Variants in NKD1 observed in about 807,000 individuals in gnomAD.
NKD1 encodes NKD inhibitor of Wnt signaling pathway 1.
In NKD1, 21 loss-of-function variants were observed where a neutral mutation model predicts 56.0. The observed-to-expected ratio is 0.38, with a 90% CI of 0.27 to 0.54. NKD1 has a LOEUF of 0.54. Ranked by LOEUF, NKD1 falls within the 20% of genes least tolerant of loss-of-function variation. The pLI is 0.82. For missense variants in NKD1, 578 were observed against 642.7 expected (o/e 0.90, Z 1.09); for synonymous variants, 263 against 265.7 (o/e 0.99, Z 0.10).
At chr16:50,616,637 G>A (rs1460166797) in intron 4 of NKD1, among the ~76,000 whole-genome samples, 3 of 152,170 alleles carry the variant, frequency 2.0e-5, no homozygotes, top group Non-Finnish European at 2.9e-5. Flanking sequence ...CCTAGAAGGC[G>A]CCAGATCTCA....
chr16:50,629,290 A>G (rs538903240), intron 6 of NKD1, among the ~76,000 whole-genome samples: 41 of 152,228 alleles, frequency 2.7e-4, no homozygotes, highest in African/African-American at 8.7e-4. Flanking sequence ...CCCTGATCCT[A>G]TCATGGTCCC....
chr16:50,609,576 G>A (rs1339010101), intron 4 of NKD1, among the ~76,000 whole-genome samples: 3 of 152,236 alleles, frequency 2.0e-5, no homozygotes, highest in South Asian at 2.1e-4. Context: ...GGGGAGCATC[G>A]GCCAGACCTG....
Position 50,633,820 on chromosome 16 carries a change from C to A in NKD1, c.*39C>A. The A allele has an allele frequency of 9.8e-7, 1 of 1,019,764 alleles. No homozygotes were observed. The highest frequency in any genetic ancestry group is 1.6e-5 in the African/African-American group (1 of 61,244). 63.2% of individuals were successfully genotyped at this position (1,019,764 alleles called of 1,614,324 possible). ...GGCCCCACCCTGCCATATGAAGGAC[C>A]CCACCCCCGACACCACAAGGCATTA... is the stretch of plus-strand genomic sequence containing the variant. On this transcript the variant is annotated 3_prime_UTR_variant, in exon 10 of 10. Transcript: ENST00000268459. This position sits in a 1 kb window ranked among gnomAD's most constrained non-coding sequence, Gnocchi z 4.9.
intron 3 of NKD1, among the ~76,000 whole-genome samples, chr16:50,570,233 G>T (rs1293354984): frequency 6.6e-6 from 1 of 151,982 alleles, no homozygotes; most frequent in Non-Finnish European, 1.5e-5. Context: ...TACATGTGTG[G>T]CTTGTATTCT....
At chr16:50,630,420 C>T (rs1490589043) in intron 7 of NKD1, 87 bp downstream of exon 7, 4 of 1,463,682 alleles carry the variant, frequency 2.7e-6, no homozygotes, top group East Asian at 2.3e-5. Context: ...GGAAGGGAAC[C>T]TGTGGGCTTT....
At chr16:50,578,724 C>T (rs1411467043) in intron 3 of NKD1, among the ~76,000 whole-genome samples, 1 of 152,070 alleles carries the variant, frequency 6.6e-6, no homozygotes, top group African/African-American at 2.4e-5. Context: ...GATCAGGAGG[C>T]CTTCTGCAGC....
In NKD1 at chr16:50,648,556, TCC is replaced by T. The variant is rs1407919812; in HGVS notation, c.*14780_*14781del. On this transcript the variant is annotated 3_prime_UTR_variant, in exon 10 of 10. Transcript: ENST00000268459. Reference sequence around the variant, plus strand: ...TGATTGTTTTTGTGATACTGACACATCCCCCCTTTCAGAACACCCTCTGCCCT... The same window carrying T: ...TGATTGTTTTTGTGATACTGACACATCCCCTTTCAGAACACCCTCTGCCCT... 6.6e-6 allele frequency: 1 copy of T among 152,128 alleles called. No homozygotes were observed. 9.4% of individuals were successfully genotyped at this position (152,128 alleles called of 1,614,324 possible).
At chr16:50,551,103 G>T (rs545439648) in intron 3 of NKD1, among the ~76,000 whole-genome samples, 1 of 152,276 alleles carries the variant, frequency 6.6e-6, no homozygotes, top group South Asian at 2.1e-4. Context: ...GGTCTCCTTG[G>T]CATCCAGTCT....
intron 3 of NKD1, among the ~76,000 whole-genome samples, chr16:50,564,813 G>A (rs921043252): frequency 1.3e-5 from 2 of 151,704 alleles, no homozygotes; most frequent in Admixed American, 6.6e-5. Context: ...AAATTAAGTC[G>A]TACGCATGGT....
rs1430710566 is a variant in NKD1, at chr16:50,646,202, T to C, written c.*12421T>C. Reference sequence around the variant, plus strand: ...AAGGCAAATCCAATGATAATGTACATCTGTTTCAGGGAATTTATAAGCTTT... The same window carrying C: ...AAGGCAAATCCAATGATAATGTACACCTGTTTCAGGGAATTTATAAGCTTT... On this transcript the variant is annotated 3_prime_UTR_variant, in exon 10 of 10. Coordinates refer to ENST00000268459, the MANE Select transcript of NKD1 (RefSeq NM_033119.5). 6.6e-6 allele frequency: 1 copy of C among 152,142 alleles called. No individual in the cohort carries two copies. Among genetic ancestry groups the C allele is most frequent in the Non-Finnish European group, 1.5e-5 (1 of 68,044 alleles). The allele number at this position is 152,142 out of a possible 1,614,324, so 9.4% of individuals were successfully genotyped here.
intron 3 of NKD1, among the ~76,000 whole-genome samples, chr16:50,572,642 G>A (rs1484591817): frequency 1.3e-5 from 2 of 152,184 alleles, no homozygotes; most frequent in African/African-American, 2.4e-5. Context: ...GGGATCTGCT[G>A]TGGGACTCTG....
rs568201338 is a variant in NKD1, at chr16:50,567,304, G to T, written c.192+17749G>T. The stretch of plus-strand genomic sequence containing the variant: ...GCCCTTTAAGGCCTCTGGATCTGCT[G>T]CTGTGTTCTGAAAGATTCCCAGTAA... On this transcript the variant is annotated intron_variant, in intron 3 of 9. Transcript: ENST00000268459. Among the ~76,000 whole-genome samples the T allele has an allele frequency of 3.0e-4, 45 of 152,344 alleles. 1 individual carries two copies. In the South Asian group the frequency reaches 5.4e-3, roughly 18 times the overall value.
At chr16:50,614,418 C>T (rs1263858490) in intron 4 of NKD1, among the ~76,000 whole-genome samples, 1 of 152,078 alleles carries the variant, frequency 6.6e-6, no homozygotes, top group African/African-American at 2.4e-5. Flanking sequence ...ACACATGTCT[C>T]GCTCGCTGCC....
chr16:50,570,836 T>A, intron 3 of NKD1: 2 of 985,156 alleles, frequency 2.0e-6, no homozygotes, highest in Non-Finnish European at 2.4e-6. Context: ...TTGCCAGGAG[T>A]GCGGTAACAT....
At chr16:50,626,649 G>A (rs952104407) in intron 6 of NKD1, among the ~76,000 whole-genome samples, 1 of 152,232 alleles carries the variant, frequency 6.6e-6, no homozygotes, top group African/African-American at 2.4e-5. Context: ...GGAGGCCCTG[G>A]CAGGCAACCT....
chr16:50,578,200 G>C (rs918585957), intron 3 of NKD1, among the ~76,000 whole-genome samples: 3 of 152,146 alleles, frequency 2.0e-5, no homozygotes, highest in African/African-American at 7.2e-5. Flanking sequence ...GAATAAGAGA[G>C]TAGAAAAACT....
chr16:50,585,961 G>C (rs1261404099), intron 3 of NKD1, among the ~76,000 whole-genome samples: 1 of 152,150 alleles, frequency 6.6e-6, no homozygotes, highest in African/African-American at 2.4e-5. Context: ...CTTGGATGTG[G>C]TGCTTACAGC....
At chr16:50,589,734 CTTCTCTTCTCTTCTCTTCTCTTCT>C (rs1961313192) in intron 3 of NKD1, among the ~76,000 whole-genome samples, 1 of 99,294 alleles carries the variant, frequency 1.0e-5, no homozygotes, top group Non-Finnish European at 2.0e-5. Context: ...CTTCTCTTCT[CTTCTCTTCTCTTCTCTTCTCTTCT>C]CTTCTCTCCT....
chr16:50,584,548 C>T (rs1215006861), intron 3 of NKD1, among the ~76,000 whole-genome samples: 2 of 152,152 alleles, frequency 1.3e-5, no homozygotes, highest in African/African-American at 4.8e-5. Context: ...ACCTGTGCCT[C>T]AGTTTTCTCA....
Sources: allele counts gnomAD v4.1 joint callset (sites outside exome capture counted in the v4.1 genomes callset), GRCh38; gene constraint gnomAD v4.1.1; non-coding constraint Gnocchi (gnomAD v3.1); transcripts MANE v1.5; gene names NCBI Gene and HGNC (gene_info 2026-07-23, HGNC 2026-07-21).